Variants in FAM110B observed in about 807,000 individuals in gnomAD.
FAM110B encodes family with sequence similarity 110 member B, also known as protein FAM110B.
A neutral mutation model predicts 20.4 loss-of-function variants in FAM110B; 6 were observed. The observed-to-expected ratio is 0.29, with a 90% CI of 0.16 to 0.58. The LOEUF (loss-of-function observed/expected upper bound fraction) is 0.58. Among genes scored for constraint, FAM110B ranks in the 20% least tolerant of loss-of-function variants. The pLI, the probability that FAM110B is intolerant of heterozygous loss-of-function variation, is 0.90. For missense variants in FAM110B, 434 were observed against 498.2 expected (o/e 0.87, Z 1.23); for synonymous variants, 226 against 214.1 (o/e 1.06, Z -0.49).
intron 3 of FAM110B, among the ~76,000 whole-genome samples, chr8:58,139,498 CT>C (rs1179093938): frequency 6.6e-6 from 1 of 152,148 alleles, no homozygotes; most frequent in Non-Finnish European, 1.5e-5. Context: ...CAAAGTCAGT[CT>C]TTTTTGGTCA....
intron 3 of FAM110B, among the ~76,000 whole-genome samples, chr8:58,079,959 G>C (rs1806148789): frequency 6.6e-6 from 1 of 152,178 alleles, no homozygotes; most frequent in Admixed American, 6.5e-5. Context: ...CTACAGTTAT[G>C]ACCATGGACT....
intron 3 of FAM110B, among the ~76,000 whole-genome samples, chr8:58,141,816 G>A (rs73682173): frequency 0.02 from 3,076 of 152,268 alleles, 119 homozygotes; most frequent in African/African-American, 0.07. Flanking sequence ...AGCCCGTAGC[G>A]GGGGGCTCCT....
chr8:58,138,273 G>C (rs937392656), intron 3 of FAM110B, among the ~76,000 whole-genome samples: 3 of 152,362 alleles, frequency 2.0e-5, no homozygotes, highest in African/African-American at 7.2e-5. Flanking sequence ...TCAGAGGAGG[G>C]CTTTGGGCAG....
Position 58,002,541 on chromosome 8 carries a change from G to GT in FAM110B, c.-512+7736dup, listed in dbSNP as rs1364304703. ...TTGTGAGTGTATCTTCTGTAAGACA[G>GT]TAAGTTCATCCACAATGAAGACAGT... On this transcript the variant is annotated intron_variant, in intron 1 of 3. Coordinates refer to ENST00000519262, the MANE Select transcript of FAM110B (RefSeq NM_001377989.1). Among the ~76,000 whole-genome samples, 3 of 152,116 alleles carry GT rather than the reference G, an allele frequency of 2.0e-5. No individual in the cohort carries two copies. The East Asian group carries it at 5.8e-4, about 29-fold the overall frequency.
chr8:58,053,981 C>G (rs1302217423), intron 2 of FAM110B, among the ~76,000 whole-genome samples: 1 of 152,082 alleles, frequency 6.6e-6, no homozygotes, highest in Non-Finnish European at 1.5e-5. Flanking sequence ...GATTTATGGA[C>G]AGAAAAAAGA....
At chr8:58,041,968 G>T (rs992146815) in intron 2 of FAM110B, among the ~76,000 whole-genome samples, 2 of 152,212 alleles carry the variant, frequency 1.3e-5, no homozygotes, top group Non-Finnish European at 1.5e-5. Context: ...TCTCGCTTCA[G>T]TTCTTAGTGG....
intron 2 of FAM110B, among the ~76,000 whole-genome samples, chr8:58,045,276 T>C (rs1805297165): frequency 6.6e-6 from 1 of 152,206 alleles, no homozygotes; most frequent in African/African-American, 2.4e-5. Flanking sequence ...AAGTGACATA[T>C]AACCACACTC....
intron 1 of FAM110B, among the ~76,000 whole-genome samples, chr8:58,021,095 CAG>C (rs1184223909): frequency 1.3e-5 from 2 of 152,150 alleles, no homozygotes; most frequent in Non-Finnish European, 2.9e-5. Context: ...TAATTAGACA[CAG>C]AAATCTTCTA....
At chr8:58,053,004 C>T (rs1445650986) in intron 2 of FAM110B, among the ~76,000 whole-genome samples, 6 of 151,072 alleles carry the variant, frequency 4.0e-5, no homozygotes, top group Non-Finnish European at 8.8e-5. Flanking sequence ...CCAGGATGGT[C>T]TCGATCTCCT....
chr8:58,065,164 C>T (rs550413771), intron 2 of FAM110B, among the ~76,000 whole-genome samples: 3 of 152,184 alleles, frequency 2.0e-5, no homozygotes, highest in Admixed American at 6.5e-5. Flanking sequence ...GCATGCTTTA[C>T]CCGTGCAAAA....
intron 1 of FAM110B, among the ~76,000 whole-genome samples, chr8:58,016,978 C>T (rs532203898): frequency 1.3e-5 from 2 of 152,260 alleles, no homozygotes; most frequent in African/African-American, 2.4e-5. Context: ...ATAGAACAGA[C>T]TTAGTGAACA....
intron 3 of FAM110B, among the ~76,000 whole-genome samples, chr8:58,077,704 TC>T (rs1192053937): frequency 1.3e-5 from 2 of 151,958 alleles, no homozygotes; most frequent in Admixed American, 1.3e-4. Context: ...GGTAGGTCCC[TC>T]CCCCCATCAA....
At chr8:58,105,450 T>C (rs1490461307) in intron 3 of FAM110B, among the ~76,000 whole-genome samples, 1 of 152,006 alleles carries the variant, frequency 6.6e-6, no homozygotes, top group Non-Finnish European at 1.5e-5. Flanking sequence ...GGAAGATTGC[T>C]TGAGCCCTGG....
At chr8:58,019,384 AAAAG>A (rs1167375351) in intron 1 of FAM110B, among the ~76,000 whole-genome samples, 1 of 150,572 alleles carries the variant, frequency 6.6e-6, no homozygotes, top group African/African-American at 2.4e-5. Flanking sequence ...GAAAGAAAAG[AAAAG>A]AAAGAAAAAA....
At chr8:58,025,167 C>A (rs917562533) in intron 1 of FAM110B, among the ~76,000 whole-genome samples, 6 of 152,142 alleles carry the variant, frequency 3.9e-5, no homozygotes, top group Admixed American at 3.9e-4. Context: ...TATAACTAAC[C>A]TTTATATCTG....
At chr8:58,028,785 A>G (rs1804907560) in intron 1 of FAM110B, among the ~76,000 whole-genome samples, 2 of 152,184 alleles carry the variant, frequency 1.3e-5, no homozygotes, top group Non-Finnish European at 2.9e-5. Flanking sequence ...TCTGTTGGCC[A>G]GATTTCATTT....
intron 1 of FAM110B, among the ~76,000 whole-genome samples, chr8:58,016,990 A>G (rs1480393109): frequency 6.6e-6 from 1 of 152,172 alleles, no homozygotes; most frequent in African/African-American, 2.4e-5. Flanking sequence ...TAGTGAACAG[A>G]CTGAGGCTCG....
At chr8:58,034,096 C>A (rs2150573960) in intron 2 of FAM110B, among the ~76,000 whole-genome samples, 1 of 152,288 alleles carries the variant, frequency 6.6e-6, no homozygotes, top group African/African-American at 2.4e-5. Flanking sequence ...AATCAGTAGT[C>A]CAGAGCCTAC....
chr8:58,146,197 A>G lies in FAM110B; in HGVS notation c.-34A>G. 2 of 1,562,502 alleles carry G rather than the reference A, an allele frequency of 1.3e-6. No homozygotes were observed. Among genetic ancestry groups the G allele is most frequent in the Non-Finnish European group, 1.7e-6 (2 of 1,152,510 alleles). ...GCCTTGCGGAGGCGCCCAGAAGAGC[A>G]TCCAACACGGCTGCCGGGGAAAGAC... On this transcript the variant is annotated 5_prime_UTR_variant, in exon 4 of 4. Transcript: ENST00000519262.
Sources: allele counts gnomAD v4.1 joint callset (sites outside exome capture counted in the v4.1 genomes callset), GRCh38; gene constraint gnomAD v4.1.1; transcripts MANE v1.5; gene names NCBI Gene and HGNC (gene_info 2026-07-23, HGNC 2026-07-21).